The following GRB10 variants were observed in gnomAD, a reference collection of about 807,000 sequenced individuals.
The protein encoded by GRB10 is growth factor receptor bound protein 10, also known as growth factor receptor-bound protein 10.
Under a neutral mutation model 80.9 loss-of-function variants are expected in GRB10, and 20 were observed. The observed-to-expected ratio is 0.25, with a 90% CI of 0.17 to 0.36. The LOEUF (loss-of-function observed/expected upper bound fraction) is 0.36, where lower values mean the gene tolerates loss of function less well. Among genes scored for constraint, GRB10 ranks in the 10% least tolerant of loss-of-function variants. The pLI is 1.00. For synonymous variants in GRB10, 291 were observed against 291.5 expected (o/e 1.00, Z 0.02); for missense variants, 548 against 747.7 (o/e 0.73, Z 3.12).
chr7:50,666,201 C>T (rs1204252832), intron 7 of GRB10, among the ~76,000 whole-genome samples: 1 of 152,222 alleles, frequency 6.6e-6, no homozygotes, highest in Non-Finnish European at 1.5e-5. Context: ...CCTGCTTCCT[C>T]TCAGATAGCT....
At chr7:50,748,766 G>A (rs1001767716) in intron 3 of GRB10, among the ~76,000 whole-genome samples, 1 of 152,184 alleles carries the variant, frequency 6.6e-6, no homozygotes, top group Non-Finnish European at 1.5e-5. Context: ...TGGGGTAAAG[G>A]GCAATGATAT....
upstream of GRB10, among the ~76,000 whole-genome samples, chr7:50,787,812 C>T (rs6963498): frequency 0.64 from 97,739 of 152,160 alleles, 33,526 homozygotes; most frequent in Middle Eastern, 0.88. Context: ...AGAGGGAGTG[C>T]GGTACCCTAG....
chr7:50,603,892 A>G, intron 17 of GRB10, 106 bp downstream of exon 17: 2 of 993,272 alleles, frequency 2.0e-6, no homozygotes, highest in East Asian at 2.4e-5. Context: ...AATGAGGACA[A>G]AACTGCTGCC....
rs575686412 is a variant in GRB10, at chr7:50,781,774, C to T, written c.-327+650G>A. ...AAAGAGCAAGGGCTAGGACGTCCTA[C>T]GTGTTCATATGCACAATTTTTTGAA... On this transcript the variant is annotated intron_variant, in intron 1 of 18. Transcript: ENST00000401949. Among the ~76,000 whole-genome samples, 7 of 152,364 alleles carry T rather than the reference C, an allele frequency of 4.6e-5. 1 individual carries two copies. In the South Asian group the frequency reaches 1.0e-3, roughly 23 times the overall value.
At chr7:50,599,798 G>A (rs575261885) in intron 17 of GRB10, among the ~76,000 whole-genome samples, 4 of 152,250 alleles carry the variant, frequency 2.6e-5, no homozygotes, top group East Asian at 3.9e-4. Flanking sequence ...GAAGCAAAAC[G>A]CTGACACACA....
At chr7:50,669,321 T>G (rs1016576333) in intron 7 of GRB10, among the ~76,000 whole-genome samples, 1 of 152,172 alleles carries the variant, frequency 6.6e-6, no homozygotes, top group African/African-American at 2.4e-5. Context: ...GAGCTTACAA[T>G]CATGCCAGAA....
At chr7:50,778,116 G>A (rs1484150273) in intron 2 of GRB10, among the ~76,000 whole-genome samples, 1 of 152,178 alleles carries the variant, frequency 6.6e-6, no homozygotes, top group Non-Finnish European at 1.5e-5. Context: ...ATCAGCACAA[G>A]AGGGGTTCTA....
intron 7 of GRB10, among the ~76,000 whole-genome samples, chr7:50,636,523 G>A: frequency 6.6e-6 from 1 of 152,078 alleles, no homozygotes; most frequent in East Asian, 1.9e-4. Context: ...CATTAAAAAG[G>A]TAATACATCA....
intron 6 of GRB10, 55 bp downstream of exon 6, chr7:50,674,381 C>T (rs2060679035): frequency 7.2e-6 from 11 of 1,535,214 alleles, no homozygotes; most frequent in Non-Finnish European, 8.9e-6. Context: ...GAGCAGTGTC[C>T]CTGCCGACAG....
At chr7:50,733,003 C>T (rs1344418889) in intron 3 of GRB10, among the ~76,000 whole-genome samples, 1 of 152,176 alleles carries the variant, frequency 6.6e-6, no homozygotes, top group Non-Finnish European at 1.5e-5. Flanking sequence ...ATGGGATGAA[C>T]TGTATCCTCC....
At chr7:50,643,206 G>A (rs975180583) in intron 7 of GRB10, among the ~76,000 whole-genome samples, 1 of 152,064 alleles carries the variant, frequency 6.6e-6, no homozygotes, top group Non-Finnish European at 1.5e-5. Flanking sequence ...GAGTATGAGC[G>A]GATTAGGGTA....
chr7:50,652,644 C>T (rs942175924), intron 7 of GRB10, among the ~76,000 whole-genome samples: 1 of 152,190 alleles, frequency 6.6e-6, no homozygotes, highest in African/African-American at 2.4e-5. Context: ...GAGAAGGATT[C>T]TGAGACTTCC....
intron 17 of GRB10, 138 bp from the exon 18 acceptor site, chr7:50,595,668 C>A: frequency 1.5e-6 from 1 of 685,262 alleles, no homozygotes; most frequent in Non-Finnish European, 2.7e-6. Context: ...CAGTGCAGTG[C>A]TTTGGCATTT....
chr7:50,716,337 A>G (rs1255084744), intron 4 of GRB10, among the ~76,000 whole-genome samples: 1 of 152,218 alleles, frequency 6.6e-6, no homozygotes, highest in Non-Finnish European at 1.5e-5. Flanking sequence ...ACTATTTCCA[A>G]GAAGCTTCTT....
At chr7:50,790,654 A>T (rs2078873666) in intron 1 of GRB10, among the ~76,000 whole-genome samples, 1 of 152,250 alleles carries the variant, frequency 6.6e-6, no homozygotes, top group Non-Finnish European at 1.5e-5. Flanking sequence ...ACAAGCTCAA[A>T]TACATTCTAC....
At chr7:50,734,634 C>A (rs2070475446) in intron 3 of GRB10, among the ~76,000 whole-genome samples, 1 of 152,216 alleles carries the variant, frequency 6.6e-6, no homozygotes, top group Admixed American at 6.5e-5. Context: ...TGTGTTAAGA[C>A]TGTCAAAAAT....
chr7:50,676,365 T>TTAG (rs1207548506), intron 5 of GRB10, among the ~76,000 whole-genome samples: 1 of 147,384 alleles, frequency 6.8e-6, no homozygotes, highest in African/African-American at 2.5e-5. Context: ...AAGGACTAGG[T>TTAG]TAGTTATTAT....
chr7:50,601,158 G>C (rs572389295), intron 17 of GRB10, among the ~76,000 whole-genome samples: 1 of 152,352 alleles, frequency 6.6e-6, no homozygotes, highest in Admixed American at 6.5e-5. Flanking sequence ...TTTGCTTAAC[G>C]AGAGGCAGAA....
intron 4 of GRB10, among the ~76,000 whole-genome samples, chr7:50,729,694 C>A (rs759252161): frequency 2.6e-5 from 4 of 152,176 alleles, no homozygotes; most frequent in Non-Finnish European, 4.4e-5. Context: ...AAATGGCAGA[C>A]AATGAGCTAT....
Sources: allele counts gnomAD v4.1 joint callset (sites outside exome capture counted in the v4.1 genomes callset), GRCh38; gene constraint gnomAD v4.1.1; transcripts MANE v1.5; gene names NCBI Gene and HGNC (gene_info 2026-07-23, HGNC 2026-07-21).